FHIP1A: variants seen among roughly 807,000 people sequenced by gnomAD.
FHIP1A encodes the protein FHF complex subunit HOOK-interacting protein 1A.
A neutral mutation model predicts 88.6 loss-of-function variants in FHIP1A; 61 were observed. The observed-to-expected ratio is 0.69, with a 90% CI of 0.56 to 0.85. The LOEUF (loss-of-function observed/expected upper bound fraction) is 0.85. Ranked by LOEUF, FHIP1A falls within the 40% of genes least tolerant of loss-of-function variation. The pLI is 0.00. For synonymous variants in FHIP1A, 478 were observed against 496.0 expected, an observed-to-expected ratio of 0.96 and a Z score of 0.48; for missense variants, 1,154 against 1,273.5, an observed-to-expected ratio of 0.91 and a Z score of 1.43.
rs1322276854 is a variant in FHIP1A at position 151,409,266 on chromosome 4, T to A, written c.-555T>A. The A allele has an allele frequency of 6.6e-6, 1 of 152,148 alleles. No individual in the cohort carries two copies. Among genetic ancestry groups the A allele is most frequent in the Non-Finnish European group, 1.5e-5 (1 of 68,074 alleles). 9.4% of individuals were successfully genotyped at this position (152,148 alleles called of 1,614,324 possible). ...GACCTACATTCTTCCCGGGCACTCC[T>A]GAGTTTGAGCCGGGCCTGGAGGACC... On this transcript the variant is annotated 5_prime_UTR_variant, in exon 1 of 14. Coordinates refer to ENST00000435205, the MANE Select transcript of FHIP1A (RefSeq NM_001109977.3).
chr4:151,459,466 A>G (rs967460496), intron 2 of FHIP1A, among the ~76,000 whole-genome samples: 6 of 152,286 alleles, frequency 3.9e-5, no homozygotes, highest in African/African-American at 1.4e-4. Flanking sequence ...GTTTAAAATG[A>G]TCACTTTCCT....
At chr4:151,638,345 G>GTA (rs1223169670) in intron 8 of FHIP1A, among the ~76,000 whole-genome samples, 6 of 151,618 alleles carry the variant, frequency 4.0e-5, no homozygotes, top group Non-Finnish European at 5.9e-5. Context: ...GTGTGTGTGT[G>GTA]TATGTGAGAG....
intron 4 of FHIP1A, chr4:151,576,732 A>C (rs1444717529): frequency 6.6e-6 from 1 of 152,128 alleles, no homozygotes; most frequent in South Asian, 2.1e-4. Flanking sequence ...TGATTCTACT[A>C]GTTGTATGTC....
At chr4:151,527,932 A>G (rs993175210) in intron 3 of FHIP1A, among the ~76,000 whole-genome samples, 5 of 152,172 alleles carry the variant, frequency 3.3e-5, no homozygotes, top group African/African-American at 7.2e-5. Context: ...TTGCCACTCA[A>G]TGCCAGGAAG....
At position 151,646,573 on chromosome 4, in the gene FHIP1A, C is replaced by T; in HGVS notation, c.1242C>T (p.Cys414=). ...LQLVLRYLIP[C]NHMMLSQRWA... is the part of the protein sequence containing the mutation. ...GTCATTCTAGGTATCTGATCCCCTGCAATCACATGATGCTGAGTCAGAGGT... is the reference window on the plus strand; with the variant it reads ...GTCATTCTAGGTATCTGATCCCCTGTAATCACATGATGCTGAGTCAGAGGT... Residue 414 remains cysteine, a synonymous_variant, in exon 10 of 14, where the codon TGC becomes TGT. Transcript: ENST00000435205. The T allele has an allele frequency of 1.3e-6, 2 of 1,551,128 alleles. No homozygotes were observed. The highest frequency in any genetic ancestry group is 1.7e-6 in the Non-Finnish European group (2 of 1,146,570).
chr4:151,450,133 A>T (rs1728741894), intron 1 of FHIP1A, among the ~76,000 whole-genome samples: 1 of 152,204 alleles, frequency 6.6e-6, no homozygotes, highest in Non-Finnish European at 1.5e-5. Context: ...GTGATATGGA[A>T]TCCAAGAAGT....
At chr4:151,550,865 T>C (rs1366074417) in intron 3 of FHIP1A, among the ~76,000 whole-genome samples, 1 of 152,200 alleles carries the variant, frequency 6.6e-6, no homozygotes, top group South Asian at 2.1e-4. Context: ...AGGATGATGT[T>C]GGACAACCAT....
In FHIP1A at chr4:151,533,443, A is replaced by C. The variant is rs536919148; in HGVS notation, c.-122-32695A>C. Among the ~76,000 whole-genome samples, 14 of 142,608 alleles carry C rather than the reference A, an allele frequency of 9.8e-5. No individual in the cohort carries two copies. In the South Asian group the frequency reaches 1.3e-3, roughly 13 times the overall value. The allele number at this position is 142,608 out of a possible 152,430, so 93.6% of individuals were successfully genotyped here. ...ACAAACAAACAAACAAACAAACAAA[A>C]AAAGGATATATTTCCTTTGGCTCAT... On this transcript the variant is annotated intron_variant, in intron 3 of 13. Coordinates refer to ENST00000435205, the MANE Select transcript of FHIP1A (RefSeq NM_001109977.3).
Position 151,580,842 on chromosome 4 carries a change from ATTAT to A in FHIP1A, c.732+2786_732+2789del, listed in dbSNP as rs776298061. Among the ~76,000 whole-genome samples, 50 of 151,580 alleles carry A rather than the reference ATTAT, an allele frequency of 3.3e-4. 1 individual carries two copies. The highest frequency in any genetic ancestry group is 1.2e-3 in the African/African-American group (48 of 41,390). ...AGCAGTAAATCAAAAAACATGTTGA[ATTAT>A]TTATTTATTTATTTATTTACTTATT... On this transcript the variant is annotated intron_variant, in intron 5 of 13. Transcript: ENST00000435205.
At chr4:151,516,509 C>T (rs923446964) in intron 3 of FHIP1A, among the ~76,000 whole-genome samples, 4 of 152,050 alleles carry the variant, frequency 2.6e-5, no homozygotes, top group African/African-American at 7.2e-5. Context: ...TCAGAGTGAA[C>T]AGGCAACCTA....
chr4:151,423,570 C>T (rs1357202067), intron 1 of FHIP1A, among the ~76,000 whole-genome samples: 1 of 152,130 alleles, frequency 6.6e-6, no homozygotes, highest in Non-Finnish European at 1.5e-5. Flanking sequence ...CCTTAGCTTC[C>T]TTATCTATAA....
chr4:151,610,707 C>G (rs1735289086), intron 7 of FHIP1A, among the ~76,000 whole-genome samples: 3 of 152,122 alleles, frequency 2.0e-5, no homozygotes, highest in Admixed American at 2.0e-4. Flanking sequence ...ATTCCAACTA[C>G]ATTTATCCAA....
intron 1 of FHIP1A, among the ~76,000 whole-genome samples, chr4:151,446,459 TCCTTTCCTTTTC>T (rs1213452631): frequency 2.7e-5 from 4 of 146,026 alleles, no homozygotes; most frequent in Non-Finnish European, 4.6e-5. Flanking sequence ...TCCTTTCCTT[TCCTTTCCTTTTC>T]CCTTTCCTTT....
chr4:151,415,457 C>T (rs548184909), intron 1 of FHIP1A, among the ~76,000 whole-genome samples: 10 of 152,200 alleles, frequency 6.6e-5, no homozygotes, highest in African/African-American at 2.2e-4. Flanking sequence ...GGATTACAGG[C>T]GTGAGCCACC....
intron 2 of FHIP1A, among the ~76,000 whole-genome samples, chr4:151,464,467 G>T (rs1381083498): frequency 6.6e-6 from 1 of 152,202 alleles, no homozygotes; most frequent in African/African-American, 2.4e-5. Flanking sequence ...GTATCTGGGG[G>T]CTCTGTGGAC....
chr4:151,414,985 C>G (rs1216668119), intron 1 of FHIP1A, among the ~76,000 whole-genome samples: 1 of 151,790 alleles, frequency 6.6e-6, no homozygotes, highest in Non-Finnish European at 1.5e-5. Context: ...TTCATTTTTC[C>G]CTCTATTTAA....
At chr4:151,629,327 A>G (rs908113338) in intron 7 of FHIP1A, among the ~76,000 whole-genome samples, 4 of 152,076 alleles carry the variant, frequency 2.6e-5, no homozygotes, top group African/African-American at 9.7e-5. Context: ...TAAAGAAACA[A>G]GTTATTCCGG....
At chr4:151,422,908 A>T (rs1266567442) in intron 1 of FHIP1A, among the ~76,000 whole-genome samples, 1 of 152,236 alleles carries the variant, frequency 6.6e-6, no homozygotes, top group Admixed American at 6.5e-5. Flanking sequence ...GTGAATCGCC[A>T]TCACTGTCTT....
At chr4:151,601,514 C>G (rs920152761) in intron 7 of FHIP1A, among the ~76,000 whole-genome samples, 6 of 150,944 alleles carry the variant, frequency 4.0e-5, no homozygotes, top group Non-Finnish European at 1.5e-5. Context: ...TAGTTACTGC[C>G]TCATTCTGTT....
Sources: gnomAD v4.1 joint callset for allele counts (sites outside exome capture counted in the v4.1 genomes callset) on GRCh38, gnomAD v4.1.1 for gene constraint, MANE v1.5 for transcripts, NCBI Gene and HGNC (gene_info 2026-07-23, HGNC 2026-07-21) for gene names.